ATP6V0A2: variants seen among roughly 807,000 people sequenced by gnomAD.
ATP6V0A2 encodes the protein V-type proton ATPase 116 kDa subunit a 2.
ATP6V0A2 carries 58 observed loss-of-function variants against 104.4 expected under a neutral mutation model. The ratio of observed to expected loss-of-function variants is 0.56; its 90% CI spans 0.45 to 0.69. The LOEUF is 0.69. ATP6V0A2 is among the 30% of genes least tolerant of loss of function. The pLI, the probability that ATP6V0A2 is intolerant of heterozygous loss-of-function variation, is 0.00. For missense variants in ATP6V0A2, 938 were observed against 1,062.9 expected (o/e 0.88, Z 1.63); for synonymous variants, 376 against 397.9 (o/e 0.95, Z 0.65).
At chr12:123,755,808 T>A (rs748701822) in intron 18 of ATP6V0A2, among the ~76,000 whole-genome samples, 2 of 151,670 alleles carry the variant, frequency 1.3e-5, no homozygotes, top group Non-Finnish European at 2.9e-5. Context: ...ATTAGCTGGG[T>A]GCTGTGGCTC....
chr12:123,745,050 G>A (rs928694979), intron 13 of ATP6V0A2, 78 bp downstream of exon 13: 1 of 1,402,804 alleles, frequency 7.1e-7, no homozygotes, highest in African/African-American at 1.4e-5. Flanking sequence ...AGTTTCTCTA[G>A]ACTGTTGAGC....
intron 19 of ATP6V0A2, 86 bp from the exon 20 acceptor site, chr12:123,757,841 G>T: frequency 1.1e-6 from 1 of 885,446 alleles, no homozygotes; most frequent in Admixed American, 2.7e-5. Flanking sequence ...TTCAGCACAG[G>T]AATTTTTTTT....
intron 2 of ATP6V0A2, among the ~76,000 whole-genome samples, chr12:123,721,824 G>A (rs1191436133): frequency 6.6e-6 from 1 of 152,224 alleles, no homozygotes; most frequent in Non-Finnish European, 1.5e-5. Flanking sequence ...TGGGTTTCCT[G>A]GTAGTGGTTG....
Position 123,712,429 on chromosome 12 carries a change from G to A in ATP6V0A2, c.-137G>A. Reference sequence around the variant, plus strand: ...GAACCGGGGGCGGCCGCTGCAGTCTGGAGCCCCATAGTGCGGGGCCGCGGC... The same window carrying A: ...GAACCGGGGGCGGCCGCTGCAGTCTAGAGCCCCATAGTGCGGGGCCGCGGC... On this transcript the variant is annotated 5_prime_UTR_variant, in exon 1 of 20. Coordinates refer to ENST00000330342, the MANE Select transcript of ATP6V0A2 (RefSeq NM_012463.4). 2 of 476,170 alleles carry A rather than the reference G, an allele frequency of 4.2e-6. No individual in the cohort carries two copies. The highest frequency in any genetic ancestry group is 4.0e-5 in the East Asian group (1 of 24,890). 29.5% of individuals were successfully genotyped at this position (476,170 alleles called of 1,614,324 possible).
chr12:123,725,556 T>C lies in ATP6V0A2; in HGVS notation c.433-641T>C, dbSNP rs1956441379. ...ACTTTGGGAGGCCAAAGCTGGAGGA[T>C]GGCTTGAGCCCAGGAGTTCAAGACC... On this transcript the variant is annotated intron_variant, in intron 4 of 19. Coordinates refer to ENST00000330342, the MANE Select transcript of ATP6V0A2 (RefSeq NM_012463.4). Among the ~76,000 whole-genome samples the C allele has an allele frequency of 2.6e-5, 4 of 152,204 alleles. No homozygotes were observed. The South Asian group carries it at 6.2e-4, about 24-fold the overall frequency.
intron 13 of ATP6V0A2, among the ~76,000 whole-genome samples, chr12:123,745,338 A>G (rs1260319108): frequency 2.6e-5 from 4 of 152,204 alleles, no homozygotes; most frequent in African/African-American, 7.2e-5. Flanking sequence ...AAGAAATGGT[A>G]TGGAGTGTTA....
chr12:123,748,778 C>G lies in ATP6V0A2; in HGVS notation c.1928C>G (p.Thr643Arg). 1 of 1,613,686 alleles carries G rather than the reference C, an allele frequency of 6.2e-7. No individual in the cohort carries two copies. The highest frequency in any genetic ancestry group is 8.5e-7 in the Non-Finnish European group (1 of 1,179,658). Reference sequence around the variant, plus strand: ...GCCAGTAAAACAAGTGGCCTTTACACAGGGCAGGTGAGTCATCTTCCCACC... The same window carrying G: ...GCCAGTAAAACAAGTGGCCTTTACAGAGGGCAGGTGAGTCATCTTCCCACC... ...FPASKTSGLY[T>R]GQEYVQRVLL... is the part of the protein sequence containing the mutation. Residue 643 changes from threonine (T) to arginine (R), a missense_variant, in exon 15 of 20, where the codon ACA (threonine) becomes AGA (arginine). Thr to Arg is a moderately conservative substitution (Grantham distance 71). Transcript: ENST00000330342.
chr12:123,741,965 G>A (rs1017057456), intron 9 of ATP6V0A2, among the ~76,000 whole-genome samples: 1 of 152,092 alleles, frequency 6.6e-6, no homozygotes, highest in Non-Finnish European at 1.5e-5. Flanking sequence ...CTGGATCTGA[G>A]ATGTCCTCTG....
intron 1 of ATP6V0A2, among the ~76,000 whole-genome samples, chr12:123,717,046 GGCTC>G (rs1291065318): frequency 6.6e-6 from 1 of 152,086 alleles, no homozygotes; most frequent in Non-Finnish European, 1.5e-5. Flanking sequence ...TGGGCGTGGT[GGCTC>G]ACGCCTGTAA....
chr12:123,719,577 G>A (rs1331354301), intron 2 of ATP6V0A2, among the ~76,000 whole-genome samples: 7 of 151,758 alleles, frequency 4.6e-5, no homozygotes. Context: ...AGTAGAGATG[G>A]GGTTTTACCA....
chr12:123,746,402 A>G (rs1031262349), intron 13 of ATP6V0A2, among the ~76,000 whole-genome samples: 2 of 152,046 alleles, frequency 1.3e-5, no homozygotes, highest in African/African-American at 2.4e-5. Flanking sequence ...CCAACTTCTC[A>G]GCCCTGAATA....
intron 19 of ATP6V0A2, 62 bp downstream of exon 19, chr12:123,757,048 C>T: frequency 6.4e-7 from 1 of 1,570,792 alleles, no homozygotes; most frequent in Admixed American, 1.7e-5. Flanking sequence ...CCCCACTGCC[C>T]CGCCCAACCA....
chr12:123,731,520 T>G (rs905544083), intron 6 of ATP6V0A2: 2 of 152,318 alleles, frequency 1.3e-5, no homozygotes, highest in African/African-American at 4.8e-5. Flanking sequence ...TAAGTGGTTG[T>G]GTTCCTTGAC....
At chr12:123,718,778 GA>G in intron 2 of ATP6V0A2, 77 bp downstream of exon 2, 1 of 1,019,610 alleles carries the variant, frequency 9.8e-7, no homozygotes. Flanking sequence ...AAAAATATTG[GA>G]AAATATAGAC....
At chr12:123,740,170 A>AAACG (rs1176485114) in intron 9 of ATP6V0A2, among the ~76,000 whole-genome samples, 323 of 150,850 alleles carry the variant, frequency 2.1e-3, no homozygotes, top group Non-Finnish European at 3.2e-3. Context: ...ACAAACAAAC[A>AAACG]AACAGTGATT....
Position 123,761,488 on chromosome 12 carries a change from ACAGT to A in ATP6V0A2, c.*3460_*3463del, listed in dbSNP as rs1467595229. ...GGCAGTTTGAACGAACAGTCTTCCC[ACAGT>A]CAGGCCATTTTTGCTGATTTGGTTT... On this transcript the variant is annotated 3_prime_UTR_variant, in exon 20 of 20. Coordinates refer to ENST00000330342, the MANE Select transcript of ATP6V0A2 (RefSeq NM_012463.4). The A allele has an allele frequency of 6.6e-6, 1 of 152,210 alleles. No individual in the cohort carries two copies. Among genetic ancestry groups the A allele is most frequent in the Non-Finnish European group, 1.5e-5 (1 of 68,038 alleles). 9.4% of individuals were successfully genotyped at this position (152,210 alleles called of 1,614,324 possible).
At chr12:123,757,781 T>A (rs1956778481) in intron 19 of ATP6V0A2, 146 bp from the exon 20 acceptor site, 1 of 630,196 alleles carries the variant, frequency 1.6e-6, no homozygotes, top group South Asian at 2.0e-5. Context: ...GGGCAGTGTT[T>A]AGCTAAGTAA....
chr12:123,753,819 A>G (rs371378133), intron 17 of ATP6V0A2, among the ~76,000 whole-genome samples: 1 of 152,248 alleles, frequency 6.6e-6, no homozygotes, highest in East Asian at 1.9e-4. Flanking sequence ...TCTTATAATC[A>G]ACATTTTGTA....
chr12:123,755,135 G>GT (rs765276650), intron 18 of ATP6V0A2, among the ~76,000 whole-genome samples: 12 of 152,180 alleles, frequency 7.9e-5, no homozygotes, highest in Non-Finnish European at 1.5e-4. Flanking sequence ...CGTGCGGCAG[G>GT]TGTCGTGATG....
Sources: gnomAD v4.1 joint callset for allele counts (sites outside exome capture counted in the v4.1 genomes callset) on GRCh38, gnomAD v4.1.1 for gene constraint, MANE v1.5 for transcripts, NCBI Gene and HGNC (gene_info 2026-07-23, HGNC 2026-07-21) for gene names.